The following KIF15 variants were observed in gnomAD, a reference collection of about 807,000 sequenced individuals.
KIF15 encodes kinesin-like protein KIF15.
Under a neutral mutation model 190.6 loss-of-function variants are expected in KIF15, and 140 were observed. The observed-to-expected ratio is 0.73, with a 90% CI of 0.64 to 0.84. KIF15 has a LOEUF of 0.84. Ranked by LOEUF, KIF15 falls within the 40% of genes least tolerant of loss-of-function variation. The pLI is 0.00. For missense variants in KIF15, 1,372 were observed against 1,584.4 expected, an observed-to-expected ratio of 0.87 and a Z score of 2.28; for synonymous variants, 528 against 551.3, an observed-to-expected ratio of 0.96 and a Z score of 0.59.
intron 11 of KIF15, 139 bp downstream of exon 11, chr3:44,800,576 G>T: frequency 3.9e-6 from 3 of 767,316 alleles, no homozygotes; most frequent in Non-Finnish European, 6.3e-6. Context: ...CTCCTATATA[G>T]GAACATAGTG....
chr3:44,791,637 G>T (rs1706703401), intron 7 of KIF15, among the ~76,000 whole-genome samples: 1 of 152,140 alleles, frequency 6.6e-6, no homozygotes, highest in Admixed American at 6.6e-5. Context: ...GATTTTTGTA[G>T]AAGTATTCAG....
intron 1 of KIF15, among the ~76,000 whole-genome samples, chr3:44,765,446 C>T (rs1047889231): frequency 6.6e-6 from 1 of 152,198 alleles, no homozygotes; most frequent in Non-Finnish European, 1.5e-5. Flanking sequence ...GATATTGCTC[C>T]TCAGGAATCC....
chr3:44,779,821 G>GA (rs397875811), intron 4 of KIF15, among the ~76,000 whole-genome samples: 204 of 99,902 alleles, frequency 2.0e-3, no homozygotes, highest in Middle Eastern at 4.8e-3. Context: ...GTGACAGAGT[G>GA]AAAAAAAAAA....
At chr3:44,812,366 C>T in intron 18 of KIF15, 77 bp downstream of exon 18, 1 of 970,248 alleles carries the variant, frequency 1.0e-6, no homozygotes, top group Non-Finnish European at 1.6e-6. Context: ...CCTCAAGGAT[C>T]CTCAAACATC....
chr3:44,815,527 C>G (rs1000928877), intron 20 of KIF15, among the ~76,000 whole-genome samples: 1 of 152,218 alleles, frequency 6.6e-6, no homozygotes, highest in Admixed American at 6.5e-5. Flanking sequence ...TGAGATGGCA[C>G]TGGCCTGACA....
chr3:44,807,063 G>A (rs1179639302), intron 16 of KIF15, among the ~76,000 whole-genome samples: 1 of 152,078 alleles, frequency 6.6e-6, no homozygotes, highest in Non-Finnish European at 1.5e-5. Context: ...TTCAATAAAA[G>A]AAAGAAATAG....
At chr3:44,845,331 G>A (rs1263711681) in intron 30 of KIF15, among the ~76,000 whole-genome samples, 1 of 152,104 alleles carries the variant, frequency 6.6e-6, no homozygotes, top group Non-Finnish European at 1.5e-5. Context: ...TGGTAGCTTT[G>A]GAGGCAGCTG....
rs753132265 is a variant in KIF15, at chr3:44,851,874, G to A, written c.3894G>A (p.Glu1298=). 4 of 1,614,010 alleles carry A rather than the reference G, an allele frequency of 2.5e-6. No individual in the cohort carries two copies. Among genetic ancestry groups the A allele is most frequent in the Non-Finnish European group, 3.4e-6 (4 of 1,179,940 alleles). ...TDEVERTQTL[E]SKAFQEKEQL... Reference sequence around the variant, plus strand: ...AAGTCGAACGAACCCAAACTTTGGAGTCTAAAGCATTCCAGGAAAAAGAAC... The same window carrying A: ...AAGTCGAACGAACCCAAACTTTGGAATCTAAAGCATTCCAGGAAAAAGAAC... Residue 1298 remains glutamate (E), a synonymous_variant, in exon 33 of 35, where the codon GAG becomes GAA. Coordinates refer to ENST00000326047, the MANE Select transcript of KIF15 (RefSeq NM_020242.3).
At chr3:44,789,642 TTATATATATATATA>T (rs56009369) in intron 7 of KIF15, among the ~76,000 whole-genome samples, 2,017 of 113,510 alleles carry the variant, frequency 0.018, 44 homozygotes, top group African/African-American at 0.038. Context: ...TTGTCTAATT[TTATATATATATATA>T]TATATATATA....
chr3:44,783,123 A>C (rs1706243183), intron 5 of KIF15, among the ~76,000 whole-genome samples: 2 of 152,184 alleles, frequency 1.3e-5, no homozygotes, highest in Non-Finnish European at 2.9e-5. Flanking sequence ...GATGAAGGTA[A>C]TTAAAGATTT....
At position 44,826,352 on chromosome 3, in the gene KIF15, TAAAATC is replaced by T; in HGVS notation, c.2701-22_2701-17del. On this transcript the variant is annotated splice_polypyrimidine_tract_variant and intron_variant, in intron 21 of 34. Coordinates refer to ENST00000326047, the MANE Select transcript of KIF15 (RefSeq NM_020242.3). ...CTATGCATTGCTAGTAACAGTTACT[TAAAATC>T]TAATGTTGTCTTTTAGAATTTGATG... 6.2e-7 allele frequency: 1 copy of T among 1,603,888 alleles called. No homozygotes were observed. Among genetic ancestry groups the T allele is most frequent in the Non-Finnish European group, 8.5e-7 (1 of 1,172,828 alleles).
At position 44,794,111 on chromosome 3, in the gene KIF15, C is replaced by G. The variant is rs1393142118; in HGVS notation, c.640-106C>G. 4 of 850,100 alleles carry G rather than the reference C, an allele frequency of 4.7e-6. No homozygotes were observed. In the Admixed American group the frequency reaches 6.7e-5, roughly 14 times the overall value. The allele number at this position is 850,100 out of a possible 1,614,324, so 52.7% of individuals were successfully genotyped here. A position where few individuals can be genotyped will look rare whatever the true frequency, so the allele number is the denominator to read the frequency against. On this transcript the variant is annotated intron_variant, in intron 7 of 34. Coordinates refer to ENST00000326047, the MANE Select transcript of KIF15 (RefSeq NM_020242.3). ...GGTCAGGCTGGTCTTGAATTCCTAT[C>G]CACAAGTGATCCTCCAGACATGGCC... is the stretch of plus-strand genomic sequence containing the variant.
intron 3 of KIF15, among the ~76,000 whole-genome samples, chr3:44,776,252 T>TTCC (rs1553643925): frequency 4.6e-5 from 7 of 151,030 alleles, no homozygotes; most frequent in Admixed American, 6.6e-5. Context: ...TTTTTTTTTT[T>TTCC]CCCCCCACTA....
chr3:44,816,594 T>C lies in KIF15; in HGVS notation c.2549+1518T>C, dbSNP rs575117543. ...CTCATCCTTTTTTATGGCTGCATAG[T>C]ATTCCATGTGTATATGTGCCACATT... On this transcript the variant is annotated intron_variant, in intron 20 of 34. Transcript: ENST00000326047. Among the ~76,000 whole-genome samples the C allele has an allele frequency of 4.6e-5, 7 of 152,352 alleles. No homozygotes were observed. In the East Asian group the frequency reaches 1.3e-3, roughly 29 times the overall value.
downstream of KIF15, among the ~76,000 whole-genome samples, chr3:44,857,113 T>G (rs555192484): frequency 2.6e-5 from 4 of 151,502 alleles, no homozygotes; most frequent in Non-Finnish European, 4.4e-5. Flanking sequence ...GGAAATGGAG[T>G]GAATGTCAGG....
Position 44,838,212 on chromosome 3 carries a change from A to G in KIF15, c.3172-63A>G, listed in dbSNP as rs947056744. The G allele has an allele frequency of 1.3e-5, 20 of 1,504,318 alleles. No homozygotes were observed. The East Asian group carries it at 4.4e-4, about 33-fold the overall frequency. 93.2% of individuals were successfully genotyped at this position (1,504,318 alleles called of 1,614,324 possible). On this transcript the variant is annotated intron_variant, in intron 26 of 34. Transcript: ENST00000326047. ...AGTCTGTTAAAAGTTGTACATAGTAATGATTTGGGAATCCTTATTGGAATA... is the reference window on the plus strand; with the variant it reads ...AGTCTGTTAAAAGTTGTACATAGTAGTGATTTGGGAATCCTTATTGGAATA...
chr3:44,827,318 T>C, intron 22 of KIF15, 141 bp from the exon 23 acceptor site: 2 of 603,668 alleles, frequency 3.3e-6, no homozygotes, highest in South Asian at 4.5e-5. Flanking sequence ...TTCAAATTTC[T>C]GATCCCCCCG....
chr3:44,779,691 G>A lies in KIF15; in HGVS notation c.324-1194G>A, dbSNP rs541722411. Among the ~76,000 whole-genome samples the A allele has an allele frequency of 5.9e-5, 9 of 152,036 alleles. No homozygotes were observed. The South Asian group carries it at 1.0e-3, about 18-fold the overall frequency. ...CTACTAAAAATACAAAAAATTAGCC[G>A]GGCGTGGTGGCAGATGCCTGTAGTC... On this transcript the variant is annotated intron_variant, in intron 4 of 34. Transcript: ENST00000326047.
At position 44,811,023 on chromosome 3, in the gene KIF15, G is replaced by C; in HGVS notation, c.2149G>C (p.Glu717Gln). The change falls in exon 17 of 35, where the codon GAA becomes CAA. Residue 717 changes from glutamate (E) to glutamine (Q), a missense_variant. Transcript: ENST00000326047. Reference protein sequence around the residue: ...MNEQAFEAISEELRTVQEQMS... With the variant: ...MNEQAFEAISQELRTVQEQMS... ...TGAACAAGCTTTTGAGGCCATTTCT[G>C]AAGAGCTTAGAACAGTGCAGGTAAT... 3 of 1,613,044 alleles carry C rather than the reference G, an allele frequency of 1.9e-6. No individual in the cohort carries two copies. Among genetic ancestry groups the C allele is most frequent in the Non-Finnish European group, 2.5e-6 (3 of 1,179,514 alleles).
Sources: allele counts gnomAD v4.1 joint callset (sites outside exome capture counted in the v4.1 genomes callset), GRCh38; gene constraint gnomAD v4.1.1; transcripts MANE v1.5; gene names NCBI Gene and HGNC (gene_info 2026-07-23, HGNC 2026-07-21).